KHDRBS3: variants seen among roughly 807,000 people sequenced by gnomAD.
The protein encoded by KHDRBS3 is KH RNA binding domain containing, signal transduction associated 3.
KHDRBS3 carries 23 observed loss-of-function variants against 45.6 expected under a neutral mutation model. The observed-to-expected ratio is 0.50, with a 90% CI of 0.36 to 0.72. The LOEUF is 0.72. Ranked by LOEUF, KHDRBS3 falls within the 30% of genes least tolerant of loss-of-function variation. The pLI, the probability that KHDRBS3 is intolerant of heterozygous loss-of-function variation, is 0.00. For missense variants in KHDRBS3, 352 were observed against 424.8 expected (o/e 0.83, Z 1.51); for synonymous variants, 162 against 156.5 (o/e 1.04, Z -0.26).
At chr8:135,558,245 T>A (rs1826986568) in intron 5 of KHDRBS3, among the ~76,000 whole-genome samples, 1 of 152,164 alleles carries the variant, frequency 6.6e-6, no homozygotes, top group Non-Finnish European at 1.5e-5. Flanking sequence ...TTTTTATTTC[T>A]CTCCTTGGAT....
At chr8:135,570,803 G>A (rs576110163) in intron 5 of KHDRBS3, among the ~76,000 whole-genome samples, 2 of 152,070 alleles carry the variant, frequency 1.3e-5, no homozygotes, top group East Asian at 1.9e-4. Flanking sequence ...ATGAGTTTCT[G>A]TGCTTTTTCT....
chr8:135,602,373 T>C (rs1170968669), intron 6 of KHDRBS3, among the ~76,000 whole-genome samples: 2 of 152,162 alleles, frequency 1.3e-5, no homozygotes, highest in Admixed American at 1.3e-4. Flanking sequence ...GAAATTGAAA[T>C]CCTCCTGAAT....
chr8:135,532,879 G>C (rs949115156), intron 2 of KHDRBS3, among the ~76,000 whole-genome samples: 1 of 152,026 alleles, frequency 6.6e-6, no homozygotes, highest in Non-Finnish European at 1.5e-5. Flanking sequence ...AGTGAAAGGG[G>C]CTATTCCACA....
At chr8:135,501,805 T>G (rs769201795) in intron 1 of KHDRBS3, among the ~76,000 whole-genome samples, 1 of 152,212 alleles carries the variant, frequency 6.6e-6, no homozygotes, top group Non-Finnish European at 1.5e-5. Flanking sequence ...AAAATGACCT[T>G]GTAATCACAA....
At chr8:135,595,614 G>A (rs957928007) in intron 6 of KHDRBS3, among the ~76,000 whole-genome samples, 2 of 152,188 alleles carry the variant, frequency 1.3e-5, no homozygotes, top group Non-Finnish European at 2.9e-5. Context: ...CTGTATAGAA[G>A]CCTCTGCACT....
At chr8:135,634,022 C>CT (rs1485266954) in intron 7 of KHDRBS3, among the ~76,000 whole-genome samples, 1 of 152,196 alleles carries the variant, frequency 6.6e-6, no homozygotes, top group Non-Finnish European at 1.5e-5. Context: ...CCTCTGTGCT[C>CT]TACCCAGTCA....
At chr8:135,574,181 TCCA>T (rs2130897038) in intron 5 of KHDRBS3, among the ~76,000 whole-genome samples, 1 of 101,252 alleles carries the variant, frequency 9.9e-6, no homozygotes, top group African/African-American at 3.1e-5. Flanking sequence ...GCACGTCACC[TCCA>T]TCATGTTAGC....
At chr8:135,645,037 G>A in intron 7 of KHDRBS3, 22 bp from the exon 8 acceptor site, 1 of 1,611,104 alleles carries the variant, frequency 6.2e-7, no homozygotes, top group East Asian at 2.2e-5. Context: ...TTTGTCCTTT[G>A]TTTTGTTTTG....
intron 1 of KHDRBS3, among the ~76,000 whole-genome samples, chr8:135,488,278 G>A (rs574644684): frequency 8.2e-4 from 125 of 152,258 alleles, no homozygotes; most frequent in Non-Finnish European, 1.6e-3. Context: ...AGAACTAAGC[G>A]GGGAATGAAT....
intron 7 of KHDRBS3, among the ~76,000 whole-genome samples, chr8:135,644,776 G>A (rs1250212499): frequency 2.0e-5 from 3 of 152,150 alleles, no homozygotes; most frequent in Non-Finnish European, 4.4e-5. Context: ...GTATTCCCTC[G>A]TGCACTTTTA....
At chr8:135,604,378 T>G (rs904057434) in intron 6 of KHDRBS3, among the ~76,000 whole-genome samples, 6 of 152,070 alleles carry the variant, frequency 3.9e-5, no homozygotes, top group Admixed American at 2.6e-4. Context: ...TGCTAATTTC[T>G]TCCTTTTAAT....
At chr8:135,573,631 C>A (rs1381366759) in intron 5 of KHDRBS3, among the ~76,000 whole-genome samples, 1 of 152,158 alleles carries the variant, frequency 6.6e-6, no homozygotes, top group African/African-American at 2.4e-5. Flanking sequence ...GTGTTGGAAC[C>A]CAAAGTGTAT....
intron 1 of KHDRBS3, among the ~76,000 whole-genome samples, chr8:135,512,210 C>T (rs1250957326): frequency 6.6e-6 from 1 of 152,086 alleles, no homozygotes; most frequent in Non-Finnish European, 1.5e-5. Flanking sequence ...GCTACAGTAA[C>T]ATTTTAGTAA....
chr8:135,553,522 G>A (rs975462911), intron 4 of KHDRBS3, among the ~76,000 whole-genome samples: 4 of 152,056 alleles, frequency 2.6e-5, no homozygotes, highest in Non-Finnish European at 5.9e-5. Flanking sequence ...GCATGTTCCA[G>A]AGTTTATTTA....
chr8:135,557,400 G>T (rs1826940349), intron 4 of KHDRBS3, 48 bp from the exon 5 acceptor site: 3 of 1,214,712 alleles, frequency 2.5e-6, no homozygotes, highest in Admixed American at 2.4e-5. Flanking sequence ...AAATATTTTT[G>T]CATTTCTAAT....
intron 7 of KHDRBS3, among the ~76,000 whole-genome samples, chr8:135,634,495 A>G (rs117035959): frequency 1.3e-5 from 2 of 152,236 alleles, no homozygotes; most frequent in African/African-American, 4.8e-5. Flanking sequence ...TAAATATTCC[A>G]ATTATTGTCA....
intron 7 of KHDRBS3, among the ~76,000 whole-genome samples, chr8:135,643,203 C>T (rs1047603330): frequency 1.3e-5 from 2 of 152,130 alleles, no homozygotes; most frequent in Non-Finnish European, 2.9e-5. Flanking sequence ...GTTTCTTCTG[C>T]CTGGAAGACC....
At chr8:135,601,465 A>G (rs373680589) in intron 6 of KHDRBS3, among the ~76,000 whole-genome samples, 1 of 152,330 alleles carries the variant, frequency 6.6e-6, no homozygotes, top group East Asian at 1.9e-4. Context: ...AAAATTCACT[A>G]GACAGAGCAG....
At chr8:135,545,181 G>T (rs1039016447) in intron 3 of KHDRBS3, among the ~76,000 whole-genome samples, 1 of 152,080 alleles carries the variant, frequency 6.6e-6, no homozygotes, top group Non-Finnish European at 1.5e-5. Flanking sequence ...GTTACTGTAC[G>T]CAAGCAGCCT....
Sources: gnomAD v4.1 joint callset for allele counts (sites outside exome capture counted in the v4.1 genomes callset) on GRCh38, gnomAD v4.1.1 for gene constraint, MANE v1.5 for transcripts, NCBI Gene and HGNC (gene_info 2026-07-23, HGNC 2026-07-21) for gene names.